PRR14L: variants seen among roughly 807,000 people sequenced by gnomAD.
PRR14L encodes the protein protein PRR14L.
In PRR14L, 80 loss-of-function variants were observed where a neutral mutation model predicts 155.0. The ratio of observed to expected loss-of-function variants is 0.52; its 90% confidence interval spans 0.43 to 0.62. PRR14L has a LOEUF of 0.62. PRR14L is among the 20% of genes least tolerant of loss of function. The pLI, the probability that PRR14L is intolerant of heterozygous loss-of-function variation, is 0.00. For synonymous variants in PRR14L, 883 were observed against 916.0 expected, an observed-to-expected ratio of 0.96 and a Z score of 0.65; for missense variants, 2,469 against 2,548.0, an observed-to-expected ratio of 0.97 and a Z score of 0.67.
chr22:31,689,309 G>A lies in PRR14L; in HGVS notation c.6108-1082C>T, dbSNP rs559437677. Among the ~76,000 whole-genome samples, 10 of 152,128 alleles carry A rather than the reference G, an allele frequency of 6.6e-5. No individual in the cohort carries two copies. The East Asian group carries it at 1.2e-3, about 18-fold the overall frequency. ...ACCAGCCTGGGCAACAAAGCAAGACGCTGTCTCTATACAAAATTAAAAAAT... is the reference window on the plus strand; with the variant it reads ...ACCAGCCTGGGCAACAAAGCAAGACACTGTCTCTATACAAAATTAAAAAAT... On this transcript the variant is annotated intron_variant, in intron 7 of 8. Coordinates refer to ENST00000327423, the MANE Select transcript of PRR14L (RefSeq NM_173566.3).
intron 1 of PRR14L, among the ~76,000 whole-genome samples, chr22:31,745,843 TAAAA>T (rs755650797): frequency 2.2e-5 from 3 of 133,764 alleles, no homozygotes; most frequent in South Asian, 2.4e-4. Flanking sequence ...AGACTCAGTT[TAAAA>T]AAAAAAAAAA....
At chr22:31,725,666 ATAT>A (rs574801816) in intron 2 of PRR14L, 56 bp from the exon 3 acceptor site, 698 of 962,804 alleles carry the variant, frequency 7.2e-4, no homozygotes, top group Middle Eastern at 1.3e-3. Context: ...GAGTTAATGA[ATAT>A]TATTATTATT....
At chr22:31,698,587 T>G (rs1347156103) in intron 7 of PRR14L, among the ~76,000 whole-genome samples, 5 of 151,694 alleles carry the variant, frequency 3.3e-5, no homozygotes, top group African/African-American at 1.2e-4. Flanking sequence ...ATAGATTTAG[T>G]TCTGATTTTT....
chr22:31,749,416 C>G (rs2074859487), intron 1 of PRR14L, among the ~76,000 whole-genome samples: 1 of 152,132 alleles, frequency 6.6e-6, no homozygotes, highest in South Asian at 2.1e-4. Flanking sequence ...CAAGGTCTTC[C>G]TCTCCGTATC....
rs1184334636 is a variant in PRR14L, at chr22:31,745,855, A to ATAT, written c.-52+4137_-52+4138insATA. 1.9e-3 allele frequency among the ~76,000 whole-genome samples: 276 copies of ATAT among 142,514 alleles called. 1 individual carries two copies. Among genetic ancestry groups the ATAT allele is most frequent in the African/African-American group, 5.8e-3 (226 of 38,904 alleles). 93.5% of individuals were successfully genotyped at this position (142,514 alleles called of 152,430 possible). On this transcript the variant is annotated intron_variant, in intron 1 of 8. Coordinates refer to ENST00000327423, the MANE Select transcript of PRR14L (RefSeq NM_173566.3). ...GGGAGACTCAGTTTAAAAAAAAAAAAAAAAAAATATATATATATATATAAG... is the reference window on the plus strand; with the variant it reads ...GGGAGACTCAGTTTAAAAAAAAAAAATATAAAAAAATATATATATATATATAAG...
intron 3 of PRR14L, among the ~76,000 whole-genome samples, chr22:31,722,551 C>A: frequency 7.1e-6 from 1 of 141,108 alleles, no homozygotes; most frequent in Non-Finnish European, 1.5e-5. Context: ...GAGACGGAGT[C>A]TTGCTCTGCT....
intron 3 of PRR14L, among the ~76,000 whole-genome samples, chr22:31,719,987 C>G (rs1010257550): frequency 6.6e-6 from 1 of 152,168 alleles, no homozygotes; most frequent in Non-Finnish European, 1.5e-5. Context: ...CCTCCCGCCT[C>G]AGCCTCTCAA....
Position 31,714,176 on chromosome 22 carries a change from C to A in PRR14L, c.3663G>T (p.Ser1221=), listed in dbSNP as rs778655507. Residue 1221 remains serine (S), a synonymous_variant, in exon 4 of 9, where the codon TCG becomes TCT. Coordinates refer to ENST00000327423, the MANE Select transcript of PRR14L (RefSeq NM_173566.3). ...ESTFGISSKE[S]MSCHDESSVS... ...CAGAGCTTTCATCATGGCAAGACAT[C>A]GACTCTTTTGAGGAAATTCCAAAGG... 14 of 1,551,464 alleles carry A rather than the reference C, an allele frequency of 9.0e-6. No homozygotes were observed. In the African/African-American group the frequency reaches 1.4e-4, roughly 15 times the overall value.
chr22:31,704,363 T>C (rs530080345), intron 5 of PRR14L: 8 of 263,732 alleles, frequency 3.0e-5, no homozygotes, highest in Non-Finnish European at 5.9e-5. Flanking sequence ...GGGACTGAAG[T>C]TGGCTGTTAA....
chr22:31,700,572 T>C (rs953711548), intron 7 of PRR14L, among the ~76,000 whole-genome samples: 2 of 152,258 alleles, frequency 1.3e-5, no homozygotes, highest in Non-Finnish European at 2.9e-5. Context: ...ATCTTTTTTT[T>C]TGAGACGGAG....
chr22:31,732,462 G>C (rs2074755415), intron 2 of PRR14L, among the ~76,000 whole-genome samples: 2 of 152,188 alleles, frequency 1.3e-5, no homozygotes, highest in African/African-American at 4.8e-5. Flanking sequence ...GCCAGGCAGA[G>C]GATGTCCATG....
chr22:31,723,299 T>C (rs2074701007), intron 3 of PRR14L, among the ~76,000 whole-genome samples: 1 of 152,232 alleles, frequency 6.6e-6, no homozygotes. Flanking sequence ...CAGAGTAATT[T>C]AGCTGCAGAT....
rs1444364799 is a variant in PRR14L at position 31,715,080 on chromosome 22, T to C, written c.2759A>G (p.Asn920Ser). The change falls in exon 4 of 9, where the codon AAC becomes AGC. Residue 920 changes from asparagine to serine, a missense_variant. By Grantham distance (46) the Asn-to-Ser change is conservative. Around this residue, in one of 2 missense-constraint regions of PRR14L, gnomAD observed 2,363 missense variants for 2,371.6 expected, o/e 1.00. Transcript: ENST00000327423. ...TTCTTGTATAGCATGATCAGAGATG[T>C]TATACTTACAAAATACAGTTTCTTT... ...VSKETVFCKY[N>S]ISDHAIQELN... is the part of the protein sequence containing the mutation. 17 of 1,551,540 alleles carry C rather than the reference T, an allele frequency of 1.1e-5. No homozygotes were observed. Among genetic ancestry groups the C allele is most frequent in the Non-Finnish European group, 1.5e-5 (17 of 1,146,824 alleles).
chr22:31,711,109 T>G lies in PRR14L; in HGVS notation c.5756+974A>C, dbSNP rs185105334. ...GTGAAGGAGATAATGTTACAAGCGATTGTGTGTTACTATTTATAGTTTTTC... is the reference window on the plus strand; with the variant it reads ...GTGAAGGAGATAATGTTACAAGCGAGTGTGTGTTACTATTTATAGTTTTTC... On this transcript the variant is annotated intron_variant, in intron 4 of 8. Coordinates refer to ENST00000327423, the MANE Select transcript of PRR14L (RefSeq NM_173566.3). Among the ~76,000 whole-genome samples, 7 of 152,344 alleles carry G rather than the reference T, an allele frequency of 4.6e-5. No individual in the cohort carries two copies. The East Asian group carries it at 1.2e-3, about 25-fold the overall frequency.
chr22:31,709,460 C>T (rs180881752), intron 4 of PRR14L, among the ~76,000 whole-genome samples: 5 of 144,174 alleles, frequency 3.5e-5, no homozygotes, highest in East Asian at 2.1e-4. Context: ...TTCACCACGT[C>T]GGTCAGGCCC....
At chr22:31,742,698 T>C (rs1020013846) in intron 1 of PRR14L, among the ~76,000 whole-genome samples, 1 of 152,092 alleles carries the variant, frequency 6.6e-6, no homozygotes, top group South Asian at 2.1e-4. Context: ...AGAGTTACCA[T>C]AGGATTCAGC....
chr22:31,740,218 G>A (rs2074805158), intron 1 of PRR14L, among the ~76,000 whole-genome samples: 1 of 150,844 alleles, frequency 6.6e-6, no homozygotes, highest in African/African-American at 2.4e-5. Flanking sequence ...ACCACACCTG[G>A]CTAATTTTTT....
chr22:31,690,909 G>T (rs562044643), intron 7 of PRR14L, among the ~76,000 whole-genome samples: 1 of 151,536 alleles, frequency 6.6e-6, no homozygotes, highest in South Asian at 2.1e-4. Flanking sequence ...CAAAGTGCTG[G>T]GATTACAGCT....
intron 2 of PRR14L, among the ~76,000 whole-genome samples, chr22:31,735,302 G>A (rs189412896): frequency 1.3e-3 from 201 of 152,236 alleles, no homozygotes; most frequent in African/African-American, 4.6e-3. Context: ...TTAGCCAGGC[G>A]TCATGGCGGG....
Sources: gnomAD v4.1 joint callset for allele counts (sites outside exome capture counted in the v4.1 genomes callset) on GRCh38, gnomAD v4.1.1 for gene constraint, gnomAD v4.1.1 regional missense constraint, MANE v1.5 for transcripts, NCBI Gene and HGNC (gene_info 2026-07-23, HGNC 2026-07-21) for gene names.